C1orf21: variants seen among roughly 807,000 people sequenced by gnomAD.
C1orf21 encodes uncharacterized protein C1orf21.
C1orf21 carries 3 observed loss-of-function variants against 18.7 expected under a neutral mutation model. That is an observed-to-expected ratio of 0.16 (90% confidence interval 0.07 to 0.42). The LOEUF (loss-of-function observed/expected upper bound fraction) is 0.42. Ranked by LOEUF, C1orf21 falls within the 10% of genes least tolerant of loss-of-function variation. The pLI, the probability that C1orf21 is intolerant of heterozygous loss-of-function variation, is 0.99. For missense variants in C1orf21, 104 were observed against 143.6 expected (o/e 0.72, Z 1.41); for synonymous variants, 41 against 46.4 (o/e 0.88, Z 0.47).
chr1:184,495,555 C>T (rs1371904088), intron 2 of C1orf21, among the ~76,000 whole-genome samples: 1 of 152,068 alleles, frequency 6.6e-6, no homozygotes, highest in Non-Finnish European at 1.5e-5. Flanking sequence ...ATCTTCCCTC[C>T]CTCCCCCCAC....
At chr1:184,440,718 G>A (rs1656930274) in intron 1 of C1orf21, among the ~76,000 whole-genome samples, 1 of 152,218 alleles carries the variant, frequency 6.6e-6, no homozygotes, top group Non-Finnish European at 1.5e-5. Flanking sequence ...ACAGAGGAGA[G>A]AGGGAAGGGT....
At chr1:184,535,984 A>T (rs1019120867) in intron 3 of C1orf21, among the ~76,000 whole-genome samples, 4 of 152,238 alleles carry the variant, frequency 2.6e-5, no homozygotes, top group African/African-American at 9.6e-5. Flanking sequence ...TGTGGTTCTT[A>T]TCATTACATT....
At chr1:184,601,025 A>G (rs1659577973) in intron 5 of C1orf21, among the ~76,000 whole-genome samples, 2 of 152,234 alleles carry the variant, frequency 1.3e-5, no homozygotes, top group Admixed American at 6.5e-5. Flanking sequence ...TACCATTGCT[A>G]AATATTTATT....
In C1orf21 at chr1:184,477,407, C is replaced by T. The variant is rs1316229862; in HGVS notation, c.-103C>T. 2 of 900,546 alleles carry T rather than the reference C, an allele frequency of 2.2e-6. No homozygotes were observed. Among genetic ancestry groups the T allele is most frequent in the East Asian group, 5.1e-5 (2 of 39,596 alleles). The allele number at this position is 900,546 out of a possible 1,614,324, so 55.8% of individuals were successfully genotyped here. A position where few individuals can be genotyped will look rare whatever the true frequency, so the allele number is the denominator to read the frequency against. ...GCAGGTGCACACATCTTGACCAACT[C>T]AGCAGCAAGGTGGATTTTCTTTGTG... On this transcript the variant is annotated 5_prime_UTR_variant, in exon 2 of 6. Coordinates refer to ENST00000235307, the MANE Select transcript of C1orf21 (RefSeq NM_030806.4).
intron 3 of C1orf21, among the ~76,000 whole-genome samples, chr1:184,520,975 C>A (rs923920382): frequency 5.3e-5 from 8 of 152,122 alleles, no homozygotes; most frequent in African/African-American, 1.9e-4. Flanking sequence ...CTCACTGCAA[C>A]CTCCGCCTCC....
chr1:184,428,467 A>G (rs1045416406), intron 1 of C1orf21, among the ~76,000 whole-genome samples: 2 of 152,204 alleles, frequency 1.3e-5, no homozygotes, highest in Non-Finnish European at 2.9e-5. Flanking sequence ...TGATTAGAGC[A>G]GCTTCAGATG....
chr1:184,434,981 T>C (rs973067911), intron 1 of C1orf21, among the ~76,000 whole-genome samples: 13 of 152,376 alleles, frequency 8.5e-5, no homozygotes, highest in African/African-American at 2.9e-4. Flanking sequence ...CTTACGTTAT[T>C]ACGGTAGTGG....
chr1:184,549,927 C>G (rs185267802), intron 3 of C1orf21, among the ~76,000 whole-genome samples: 1 of 152,178 alleles, frequency 6.6e-6, no homozygotes, highest in African/African-American at 2.4e-5. Flanking sequence ...GATTTTTCAA[C>G]TTTACAGTGG....
chr1:184,514,502 A>T (rs977905618), intron 3 of C1orf21, among the ~76,000 whole-genome samples: 3 of 152,206 alleles, frequency 2.0e-5, no homozygotes, highest in African/African-American at 7.2e-5. Context: ...TTGAAGTTTG[A>T]TAATATCAGA....
chr1:184,431,096 T>C (rs1343588019), intron 1 of C1orf21, among the ~76,000 whole-genome samples: 1 of 152,160 alleles, frequency 6.6e-6, no homozygotes, highest in East Asian at 1.9e-4. Flanking sequence ...TATTGATATA[T>C]AGGAATGCTT....
chr1:184,478,967 T>C (rs1296239458), intron 2 of C1orf21, among the ~76,000 whole-genome samples: 1 of 123,298 alleles, frequency 8.1e-6, no homozygotes. Flanking sequence ...ATCTCTAGCT[T>C]TTGGTTCATT....
At chr1:184,559,536 T>G (rs940315651) in intron 3 of C1orf21, among the ~76,000 whole-genome samples, 1 of 119,894 alleles carries the variant, frequency 8.3e-6, no homozygotes, top group Non-Finnish European at 1.7e-5. Context: ...CCTTCCTTCC[T>G]TCCTTCCTTC....
At chr1:184,517,490 CCAAG>C (rs1477838048) in intron 3 of C1orf21, among the ~76,000 whole-genome samples, 6 of 152,092 alleles carry the variant, frequency 3.9e-5, no homozygotes, top group African/African-American at 1.4e-4. Context: ...CCCCAATTTC[CCAAG>C]CCACTTGTAC....
intron 2 of C1orf21, among the ~76,000 whole-genome samples, chr1:184,501,792 T>C (rs1020451382): frequency 6.6e-6 from 1 of 152,180 alleles, no homozygotes; most frequent in Non-Finnish European, 1.5e-5. Flanking sequence ...TCAAGAGGTA[T>C]TTTTGCTCAG....
At chr1:184,428,953 C>T (rs1213704385) in intron 1 of C1orf21, among the ~76,000 whole-genome samples, 1 of 152,148 alleles carries the variant, frequency 6.6e-6, no homozygotes, top group African/African-American at 2.4e-5. Context: ...GCTGTGGTCA[C>T]CCTGCCCCCC....
At chr1:184,535,865 C>T (rs928070209) in intron 3 of C1orf21, among the ~76,000 whole-genome samples, 1 of 152,154 alleles carries the variant, frequency 6.6e-6, no homozygotes, top group Non-Finnish European at 1.5e-5. Flanking sequence ...CTGTTTCCTC[C>T]ATTAAAACCT....
At chr1:184,450,792 C>T (rs1183450189) in intron 1 of C1orf21, among the ~76,000 whole-genome samples, 1 of 152,148 alleles carries the variant, frequency 6.6e-6, no homozygotes, top group Non-Finnish European at 1.5e-5. Context: ...TTATTTTATT[C>T]TTTAAAATCA....
At chr1:184,391,342 A>G (rs1051553914) in intron 1 of C1orf21, among the ~76,000 whole-genome samples, 3 of 152,198 alleles carry the variant, frequency 2.0e-5, no homozygotes, top group East Asian at 3.9e-4. Context: ...TTTCTCTTAC[A>G]TTTGTGAAAG....
intron 2 of C1orf21, among the ~76,000 whole-genome samples, chr1:184,486,223 T>TA (rs1657730655): frequency 6.6e-6 from 1 of 152,184 alleles, no homozygotes; most frequent in South Asian, 2.1e-4. Context: ...AGGTGGTTCC[T>TA]GGGCCATGCT....
Sources: allele counts gnomAD v4.1 joint callset (sites outside exome capture counted in the v4.1 genomes callset), GRCh38; gene constraint gnomAD v4.1.1; transcripts MANE v1.5; gene names NCBI Gene and HGNC (gene_info 2026-07-23, HGNC 2026-07-21).